ANKRD17: variants seen among roughly 807,000 people sequenced by gnomAD.
The protein encoded by ANKRD17 is ankyrin repeat domain-containing protein 17.
Under a neutral mutation model 229.7 loss-of-function variants are expected in ANKRD17, and 19 were observed. The ratio of observed to expected loss-of-function variants is 0.08; its 90% CI spans 0.06 to 0.12. The LOEUF is 0.12. Ranked by LOEUF, ANKRD17 falls within the 10% of genes least tolerant of loss-of-function variation. The pLI is 1.00. For missense variants in ANKRD17, 2,176 were observed against 3,176.8 expected (o/e 0.68, Z 7.57); for synonymous variants, 1,112 against 1,146.1 (o/e 0.97, Z 0.60).
intron 31 of ANKRD17, among the ~76,000 whole-genome samples, chr4:73,078,145 G>A (rs1429904958): frequency 1.3e-5 from 2 of 152,154 alleles, no homozygotes; most frequent in Non-Finnish European, 2.9e-5. Flanking sequence ...TTGGGAGACC[G>A]AGGCGGGCGG....
At chr4:73,102,325 T>C in intron 25 of ANKRD17, 51 bp downstream of exon 25, 2 of 1,523,642 alleles carry the variant, frequency 1.3e-6, no homozygotes, top group Middle Eastern at 1.8e-4. Flanking sequence ...CAAGTAAATA[T>C]AATTTTAACT....
chr4:73,194,595 G>T (rs1312817311), intron 1 of ANKRD17, among the ~76,000 whole-genome samples: 2 of 152,034 alleles, frequency 1.3e-5, no homozygotes, highest in Non-Finnish European at 2.9e-5. Context: ...TTTTGATTGG[G>T]ATTGCATTGA....
intron 1 of ANKRD17, among the ~76,000 whole-genome samples, chr4:73,214,468 A>G (rs1740732824): frequency 6.6e-6 from 1 of 152,144 alleles, no homozygotes. Context: ...TTATTTTTAA[A>G]CAACTAAGAT....
intron 22 of ANKRD17, among the ~76,000 whole-genome samples, chr4:73,118,377 C>A (rs1002001445): frequency 4.0e-5 from 6 of 151,842 alleles, no homozygotes; most frequent in African/African-American, 1.5e-4. Flanking sequence ...ACTGGAGGTA[C>A]TTACTTAAGT....
At chr4:73,235,816 G>C (rs934492902) in intron 1 of ANKRD17, among the ~76,000 whole-genome samples, 1 of 150,712 alleles carries the variant, frequency 6.6e-6, no homozygotes, top group Admixed American at 6.6e-5. Context: ...AATAGTTTCA[G>C]AAAGAAAAAG....
intron 29 of ANKRD17, among the ~76,000 whole-genome samples, chr4:73,088,492 C>T (rs1023748679): frequency 3.9e-5 from 6 of 152,062 alleles, no homozygotes; most frequent in Admixed American, 2.6e-4. Context: ...TTCTCTAAAG[C>T]TTAATTTTAG....
In ANKRD17 at chr4:73,191,341, ATGTGTGTGTGTG is replaced by A. The variant is rs71655741; in HGVS notation, c.394-13820_394-13809del. Among the ~76,000 whole-genome samples the A allele has an allele frequency of 5.1e-4, 64 of 125,286 alleles. No individual in the cohort carries two copies. In the South Asian group the frequency reaches 5.7e-3, roughly 11 times the overall value. 82.2% of individuals were successfully genotyped at this position (125,286 alleles called of 152,430 possible). A position where few individuals can be genotyped will look rare whatever the true frequency, so the allele number is the denominator to read the frequency against. On this transcript the variant is annotated intron_variant, in intron 1 of 33. Transcript: ENST00000358602. Reference sequence around the variant, plus strand: ...AATAGGCCCCTACCAAAAAATATATATGTGTGTGTGTGTGTGTGTGTGTGTGTGTGTGTGTGT... The same window carrying A: ...AATAGGCCCCTACCAAAAAATATATATGTGTGTGTGTGTGTGTGTGTGTGT...
intron 16 of ANKRD17, among the ~76,000 whole-genome samples, chr4:73,131,740 AT>A (rs1728229656): frequency 6.6e-6 from 1 of 152,234 alleles, no homozygotes; most frequent in South Asian, 2.1e-4. Context: ...TATGTCTTAT[AT>A]TCCTCAAATG....
At chr4:73,218,713 C>G (rs1346912764) in intron 1 of ANKRD17, among the ~76,000 whole-genome samples, 1 of 151,816 alleles carries the variant, frequency 6.6e-6, no homozygotes, top group African/African-American at 2.4e-5. Context: ...TTCTGCACTT[C>G]CACCTCTGTG....
chr4:73,096,986 G>A, intron 27 of ANKRD17, 131 bp downstream of exon 27: 1 of 1,049,012 alleles, frequency 9.5e-7, no homozygotes, highest in Non-Finnish European at 1.4e-6. Context: ...TCTCTCTGTT[G>A]GTCAAATTTA....
intron 1 of ANKRD17, among the ~76,000 whole-genome samples, chr4:73,237,309 G>GT (rs1200165919): frequency 6.6e-6 from 1 of 152,152 alleles, no homozygotes; most frequent in African/African-American, 2.4e-5. Context: ...CCAAGCCTGT[G>GT]TTTTTTATGT....
chr4:73,167,425 A>G (rs571433934), intron 2 of ANKRD17, among the ~76,000 whole-genome samples: 1 of 152,322 alleles, frequency 6.6e-6, no homozygotes, highest in East Asian at 1.9e-4. Context: ...GCATCGTATG[A>G]AAAGGTATCT....
At chr4:73,252,123 G>C (rs1448900101) in intron 1 of ANKRD17, among the ~76,000 whole-genome samples, 2 of 152,200 alleles carry the variant, frequency 1.3e-5, no homozygotes, top group African/African-American at 4.8e-5. Flanking sequence ...TCTTACTACA[G>C]AGATGGGACT....
intron 1 of ANKRD17, among the ~76,000 whole-genome samples, chr4:73,245,587 C>T (rs1246229306): frequency 6.6e-6 from 1 of 152,208 alleles, no homozygotes; most frequent in African/African-American, 2.4e-5. Flanking sequence ...ACAGATTTCA[C>T]ACTTGCTTAG....
intron 1 of ANKRD17, among the ~76,000 whole-genome samples, chr4:73,254,057 C>A (rs1261712385): frequency 6.6e-6 from 1 of 152,182 alleles, no homozygotes. Context: ...TTTACAAATA[C>A]TGCTACATCA....
chr4:73,224,720 C>A (rs1163120136), intron 1 of ANKRD17, among the ~76,000 whole-genome samples: 1 of 152,030 alleles, frequency 6.6e-6, no homozygotes, highest in Non-Finnish European at 1.5e-5. Context: ...TTATTATTAT[C>A]CCCATTTTAC....
At chr4:73,093,935 T>G (rs536365506) in intron 28 of ANKRD17, 144 bp downstream of exon 28, 5 of 768,684 alleles carry the variant, frequency 6.5e-6, no homozygotes, top group Non-Finnish European at 9.8e-6. Context: ...ACTATAAAAT[T>G]TATCTTCTCA....
intron 7 of ANKRD17, among the ~76,000 whole-genome samples, chr4:73,149,668 C>G (rs765854209): frequency 4.0e-5 from 6 of 151,784 alleles, no homozygotes; most frequent in Non-Finnish European, 8.8e-5. Context: ...GGAGTTTGAG[C>G]CAGGCCTGGG....
intron 1 of ANKRD17, among the ~76,000 whole-genome samples, chr4:73,245,291 TGC>T (rs1560782486): frequency 1.3e-5 from 2 of 152,198 alleles, no homozygotes; most frequent in Non-Finnish European, 2.9e-5. Context: ...TTCAGTCAAA[TGC>T]TAATCTAGGT....
Sources: allele counts gnomAD v4.1 joint callset (sites outside exome capture counted in the v4.1 genomes callset), GRCh38; gene constraint gnomAD v4.1.1; transcripts MANE v1.5; gene names NCBI Gene and HGNC (gene_info 2026-07-23, HGNC 2026-07-21).